PLXDC2: variants seen among roughly 807,000 people sequenced by gnomAD.
PLXDC2 encodes plexin domain containing 2, also known as plexin domain-containing protein 2.
In PLXDC2, 40 loss-of-function variants were observed where a neutral mutation model predicts 68.9. That is an observed-to-expected ratio of 0.58 (90% CI 0.45 to 0.76). PLXDC2 has a LOEUF of 0.76. Ranked by LOEUF, PLXDC2 falls within the 30% of genes least tolerant of loss-of-function variation. PLXDC2 has a pLI of 0.00. For synonymous variants in PLXDC2, 243 were observed against 234.2 expected, an observed-to-expected ratio of 1.04 and a Z score of -0.34; for missense variants, 644 against 661.9, an observed-to-expected ratio of 0.97 and a Z score of 0.30.
intron 1 of PLXDC2, among the ~76,000 whole-genome samples, chr10:19,873,050 A>G (rs184241831): frequency 9.7e-4 from 148 of 152,322 alleles, no homozygotes; most frequent in African/African-American, 3.5e-3. Flanking sequence ...CTAATACAGC[A>G]AAACGGTCGG....
At chr10:20,024,075 T>A (rs1274208345) in intron 2 of PLXDC2, among the ~76,000 whole-genome samples, 1 of 152,212 alleles carries the variant, frequency 6.6e-6, no homozygotes, top group Non-Finnish European at 1.5e-5. Context: ...TATATGATAT[T>A]CTGGGGGAAA....
intron 9 of PLXDC2, among the ~76,000 whole-genome samples, chr10:20,200,968 A>G (rs1564351289): frequency 1.3e-5 from 2 of 152,108 alleles, no homozygotes. Context: ...GGAGAACAGT[A>G]TGGAAGTTCC....
chr10:20,274,506 G>C (rs1292300603), intron 13 of PLXDC2, among the ~76,000 whole-genome samples: 11 of 152,166 alleles, frequency 7.2e-5, no homozygotes, highest in Admixed American at 7.2e-4. Context: ...ACGACAGGTA[G>C]TAACGGGAGA....
intron 1 of PLXDC2, among the ~76,000 whole-genome samples, chr10:19,880,282 G>A (rs1378836481): frequency 6.6e-6 from 1 of 152,002 alleles, no homozygotes; most frequent in Non-Finnish European, 1.5e-5. Context: ...TAATCCATGG[G>A]GCATATGTAC....
At chr10:20,251,603 A>G (rs1835676530) in intron 13 of PLXDC2, among the ~76,000 whole-genome samples, 1 of 152,130 alleles carries the variant, frequency 6.6e-6, no homozygotes, top group Admixed American at 6.5e-5. Context: ...TACACATATC[A>G]CTATTCAAGA....
chr10:20,234,848 A>C (rs1835413064), intron 12 of PLXDC2, among the ~76,000 whole-genome samples: 1 of 151,918 alleles, frequency 6.6e-6, no homozygotes, highest in African/African-American at 2.4e-5. Flanking sequence ...GTACTGAGGC[A>C]CTCACACACA....
At chr10:19,915,396 G>T (rs1326235) in intron 1 of PLXDC2, among the ~76,000 whole-genome samples, 1 of 151,910 alleles carries the variant, frequency 6.6e-6, no homozygotes, top group South Asian at 2.1e-4. Context: ...GACTCTTACT[G>T]TCATTTAAGA....
intron 4 of PLXDC2, among the ~76,000 whole-genome samples, chr10:20,119,198 T>TA (rs1361671193): frequency 6.6e-6 from 1 of 152,174 alleles, no homozygotes; most frequent in Non-Finnish European, 1.5e-5. Flanking sequence ...TCTGAAGTAG[T>TA]AATTTTCATG....
intron 6 of PLXDC2, among the ~76,000 whole-genome samples, chr10:20,161,475 C>A (rs115952873): frequency 0.015 from 2,213 of 147,330 alleles, 74 homozygotes; most frequent in African/African-American, 0.053. Context: ...TTGCTTCAAG[C>A]TTCCTGCTCT....
intron 4 of PLXDC2, among the ~76,000 whole-genome samples, chr10:20,083,246 C>T (rs1459106586): frequency 4.0e-5 from 6 of 151,832 alleles, no homozygotes; most frequent in East Asian, 3.9e-4. Context: ...GAGGCCAAGG[C>T]GGGTGGATCA....
At chr10:19,969,630 G>A (rs988962273) in intron 1 of PLXDC2, among the ~76,000 whole-genome samples, 20 of 152,200 alleles carry the variant, frequency 1.3e-4, no homozygotes, top group African/African-American at 4.6e-4. Context: ...ATAGCTTAGA[G>A]TCCTTTGGAC....
At chr10:20,095,139 T>A (rs1833333169) in intron 4 of PLXDC2, among the ~76,000 whole-genome samples, 1 of 152,206 alleles carries the variant, frequency 6.6e-6, no homozygotes, top group South Asian at 2.1e-4. Context: ...AAAATATAAT[T>A]TTGACATAAA....
chr10:20,232,642 G>C (rs138801736), intron 12 of PLXDC2, among the ~76,000 whole-genome samples: 14 of 152,292 alleles, frequency 9.2e-5, no homozygotes, highest in African/African-American at 3.4e-4. Flanking sequence ...CATGTAGTAT[G>C]ATTCAATTTA....
chr10:19,943,889 CT>C (rs1481222144), intron 1 of PLXDC2, among the ~76,000 whole-genome samples: 1 of 152,130 alleles, frequency 6.6e-6, no homozygotes, highest in Admixed American at 6.5e-5. Context: ...AGGAAATGGA[CT>C]TTTGCTATGC....
chr10:20,192,840 G>A (rs1298680486), intron 9 of PLXDC2, among the ~76,000 whole-genome samples: 3 of 152,008 alleles, frequency 2.0e-5, no homozygotes, highest in African/African-American at 7.2e-5. Flanking sequence ...TGTAATAGGA[G>A]ACAAGTATAC....
At chr10:20,026,182 T>C (rs1039461578) in intron 2 of PLXDC2, among the ~76,000 whole-genome samples, 2 of 132,754 alleles carry the variant, frequency 1.5e-5, no homozygotes, top group East Asian at 4.2e-4. Context: ...ACTTAATGCC[T>C]ATGTTCTCCA....
At chr10:20,032,863 G>T (rs1011960971) in intron 2 of PLXDC2, among the ~76,000 whole-genome samples, 1 of 151,616 alleles carries the variant, frequency 6.6e-6, no homozygotes, top group Admixed American at 6.6e-5. Flanking sequence ...AATATCATAG[G>T]TACATACATG....
chr10:20,270,630 C>T (rs1201817420), intron 13 of PLXDC2, among the ~76,000 whole-genome samples: 3 of 152,024 alleles, frequency 2.0e-5, no homozygotes, highest in East Asian at 1.9e-4. Flanking sequence ...CTGCAATCTC[C>T]GCCTGCCAGG....
At chr10:20,087,210 C>A (rs1309266867) in intron 4 of PLXDC2, among the ~76,000 whole-genome samples, 1 of 152,172 alleles carries the variant, frequency 6.6e-6, no homozygotes, top group Non-Finnish European at 1.5e-5. Context: ...TCTACACAGG[C>A]CCCAGAATTG....
Sources: allele counts gnomAD v4.1 joint callset (sites outside exome capture counted in the v4.1 genomes callset), GRCh38; gene constraint gnomAD v4.1.1; transcripts MANE v1.5; gene names NCBI Gene and HGNC (gene_info 2026-07-23, HGNC 2026-07-21).